The following TNFRSF8 variants were observed in gnomAD, a reference collection of about 807,000 sequenced individuals.
TNFRSF8 encodes the protein tumor necrosis factor receptor superfamily member 8.
TNFRSF8 carries 26 observed loss-of-function variants against 70.8 expected under a neutral mutation model. The observed-to-expected ratio is 0.37, with a 90% CI of 0.27 to 0.51. TNFRSF8 has a LOEUF of 0.51. Ranked by LOEUF, TNFRSF8 falls within the 20% of genes least tolerant of loss-of-function variation. The pLI, the probability that TNFRSF8 is intolerant of heterozygous loss-of-function variation, is 0.94. For missense variants in TNFRSF8, 720 were observed against 807.9 expected, an observed-to-expected ratio of 0.89 and a Z score of 1.32; for synonymous variants, 356 against 339.2, an observed-to-expected ratio of 1.05 and a Z score of -0.54.
intron 2 of TNFRSF8, among the ~76,000 whole-genome samples, chr1:12,095,276 CAT>C (rs1481096012): frequency 2.6e-5 from 4 of 151,726 alleles, no homozygotes; most frequent in Admixed American, 1.3e-4. Context: ...CAAAGAATCA[CAT>C]GTTACTGTAT....
chr1:12,067,275 C>A (rs1458626979), intron 1 of TNFRSF8, among the ~76,000 whole-genome samples: 1 of 152,188 alleles, frequency 6.6e-6, no homozygotes, highest in Non-Finnish European at 1.5e-5. Context: ...ATGTTCCTTG[C>A]CAGTGCTAAG....
At position 12,113,999 on chromosome 1, in the gene TNFRSF8, C is replaced by T. The variant is rs1275859156; in HGVS notation, c.794-1578C>T. On this transcript the variant is annotated intron_variant, in intron 7 of 14. Coordinates refer to ENST00000263932, the MANE Select transcript of TNFRSF8 (RefSeq NM_001243.5). The surrounding 1 kb of genome is among the most constrained non-coding windows in gnomAD (Gnocchi z 4.9). ...TTGGGGAAATACAGTCTGCCACAAC[C>T]ACCATGTGGACATATGGAGAAAGAG... is the stretch of plus-strand genomic sequence containing the variant. Among the ~76,000 whole-genome samples, 1 of 152,192 alleles carries T rather than the reference C, an allele frequency of 6.6e-6. No homozygotes were observed. The highest frequency in any genetic ancestry group is 2.4e-5 in the African/African-American group (1 of 41,450).
chr1:12,073,929 G>A (rs113318205), intron 1 of TNFRSF8, among the ~76,000 whole-genome samples: 2,077 of 151,846 alleles, frequency 0.014, 44 homozygotes, highest in African/African-American at 0.047. Flanking sequence ...CCATTGTCCC[G>A]TGGCGGCTGT....
At position 12,109,576 on chromosome 1, in the gene TNFRSF8, G is replaced by A; in HGVS notation, c.432G>A (p.Gln144=). Residue 144 remains glutamine, a synonymous_variant, in exon 5 of 15, where the codon CAG becomes CAA. Coordinates refer to ENST00000263932, the MANE Select transcript of TNFRSF8 (RefSeq NM_001243.5). This position sits in a 1 kb window ranked among gnomAD's most constrained non-coding sequence, Gnocchi z 4.4. ...GMIVKFPGTA[Q]KNTVCEPASP... ...CTGTCCCCCCTGCAGGCACGGCGCA[G>A]AAGAACACGGTCTGTGAGCCGGCTT... 6.2e-7 allele frequency: 1 copy of A among 1,613,694 alleles called. No homozygotes were observed. The highest frequency in any genetic ancestry group is 8.5e-7 in the Non-Finnish European group (1 of 1,179,914).
intron 12 of TNFRSF8, among the ~76,000 whole-genome samples, chr1:12,135,193 A>G (rs1027048499): frequency 2.0e-5 from 3 of 151,858 alleles, no homozygotes; most frequent in African/African-American, 7.3e-5. Flanking sequence ...GCACGAGCCT[A>G]TAATCCCAGC....
rs1640686551 is a variant in TNFRSF8 at position 12,063,632 on chromosome 1, T to C, written c.34T>C (p.Phe12Leu). Residue 12 changes from phenylalanine to leucine, a missense_variant, in exon 1 of 15, where the codon TTC (phenylalanine) becomes CTC (leucine). Transcript: ENST00000263932. This position sits in a 1 kb window ranked among gnomAD's most constrained non-coding sequence, Gnocchi z 7.2. Reference sequence around the variant, plus strand: ...CCTCCTCGCCGCGCTGGGACTGCTGTTCCTGGGGGCGCTACGAGCCTTCCC... The same window carrying C: ...CCTCCTCGCCGCGCTGGGACTGCTGCTCCTGGGGGCGCTACGAGCCTTCCC... ...RVLLAALGLLFLGALRAFPQD... is the reference protein window; with the variant it reads ...RVLLAALGLLLLGALRAFPQD... 1 of 1,290,182 alleles carries C rather than the reference T, an allele frequency of 7.8e-7. No individual in the cohort carries two copies. The highest frequency in any genetic ancestry group is 4.2e-5 in the Admixed American group (1 of 23,870). 79.9% of individuals were successfully genotyped at this position (1,290,182 alleles called of 1,614,324 possible). A position where few individuals can be genotyped will look rare whatever the true frequency, so the allele number is the denominator to read the frequency against.
In TNFRSF8 at chr1:12,142,462, C is replaced by T. The variant is rs776112690; in HGVS notation, c.1719C>T (p.Ser573=). The change falls in exon 15 of 15, where the codon AGC becomes AGT. Residue 573 remains serine, a synonymous_variant. Transcript: ENST00000263932. This position sits in a 1 kb window ranked among gnomAD's most constrained non-coding sequence, Gnocchi z 5.0. ...CAGAACCGCCTCTGGGCAGCTGCAG[C>T]GATGTCATGCTCTCAGTGGAAGAGG... ...QETEPPLGSC[S]DVMLSVEEEG... The T allele has an allele frequency of 1.6e-5, 25 of 1,610,744 alleles. No individual in the cohort carries two copies. The highest frequency in any genetic ancestry group is 1.9e-5 in the Non-Finnish European group (22 of 1,178,754).
intron 1 of TNFRSF8, among the ~76,000 whole-genome samples, chr1:12,070,505 T>G (rs1313767060): frequency 6.6e-6 from 1 of 152,116 alleles, no homozygotes; most frequent in Non-Finnish European, 1.5e-5. Context: ...TGCCCGCCTA[T>G]GTAGAGACAG....
At chr1:12,118,707 C>G (rs534531160) in intron 8 of TNFRSF8, among the ~76,000 whole-genome samples, 44 of 152,330 alleles carry the variant, frequency 2.9e-4, no homozygotes, top group East Asian at 9.7e-4. Flanking sequence ...TCTCTAGGTT[C>G]TCCATTCACC....
At position 12,110,519 on chromosome 1, in the gene TNFRSF8, G is replaced by A. The variant is rs11121866; in HGVS notation, c.676+315G>A. Among the ~76,000 whole-genome samples the A allele has an allele frequency of 2.1e-3, 317 of 152,290 alleles. 3 individuals are homozygous for A. Among genetic ancestry groups the A allele is most frequent in the Admixed American group, 6.0e-3 (92 of 15,300 alleles). ...CCCACTCTGCTGTTGTGACACTTGC[G>A]ACTCAGCTGGCCAGCCTCTGCACGT... On this transcript the variant is annotated intron_variant, in intron 6 of 14. Transcript: ENST00000263932. The surrounding 1 kb of genome is among the most constrained non-coding windows in gnomAD (Gnocchi z 4.0).
At chr1:12,096,424 T>TAAA (rs34433681) in intron 2 of TNFRSF8, among the ~76,000 whole-genome samples, 3 of 135,088 alleles carry the variant, frequency 2.2e-5, no homozygotes, top group African/African-American at 5.4e-5. Flanking sequence ...GCTGATGAGC[T>TAAA]AAAAAAAAAA....
chr1:12,065,170 C>A (rs965343091), intron 1 of TNFRSF8, among the ~76,000 whole-genome samples: 12 of 148,214 alleles, frequency 8.1e-5, no homozygotes, highest in Admixed American at 7.5e-4. Context: ...GCAACCTCTG[C>A]CTCCCGGATT....
At chr1:12,076,697 T>TGCCTGTGGCCAGGGATGGA (rs971180684) in intron 1 of TNFRSF8, among the ~76,000 whole-genome samples, 2 of 152,144 alleles carry the variant, frequency 1.3e-5, no homozygotes, top group Admixed American at 6.5e-5. Flanking sequence ...TGAGAGGTGC[T>TGCCTGTGGCCAGGGATGGA]GCCTGTGGCC....
chr1:12,123,833 G>C lies in TNFRSF8; in HGVS notation c.1153+6G>C. On this transcript the variant is annotated splice_donor_region_variant and intron_variant, in intron 10 of 14. Transcript: ENST00000263932. ...GAAGCCCGTTCTGGATGCAGGTAAT[G>C]GTCCCAGCCCACTCACCCCTACTCC... The C allele has an allele frequency of 6.4e-7, 1 of 1,556,270 alleles. No homozygotes were observed. The highest frequency in any genetic ancestry group is 8.7e-7 in the Non-Finnish European group (1 of 1,149,272).
chr1:12,080,321 T>C, intron 1 of TNFRSF8: 1 of 524,172 alleles, frequency 1.9e-6, no homozygotes, highest in Non-Finnish European at 3.8e-6. Flanking sequence ...TGCCTTCTTC[T>C]CTCCATCCGG....
At position 12,120,456 on chromosome 1, in the gene TNFRSF8, A is replaced by C. The variant is rs188193415; in HGVS notation, c.947-2828A>C. Among the ~76,000 whole-genome samples, 10 of 152,342 alleles carry C rather than the reference A, an allele frequency of 6.6e-5. 1 individual carries two copies. Among genetic ancestry groups the C allele is most frequent in the African/African-American group, 2.2e-4 (9 of 41,580 alleles). ...CTGTCCTTTTATCAACAAGAAAAAG[A>C]AAGGCAATTGAAAACTCCCGGGAAA... On this transcript the variant is annotated intron_variant, in intron 8 of 14. Coordinates refer to ENST00000263932, the MANE Select transcript of TNFRSF8 (RefSeq NM_001243.5).
At chr1:12,094,103 A>G (rs1039162422) in intron 2 of TNFRSF8, among the ~76,000 whole-genome samples, 1 of 150,276 alleles carries the variant, frequency 6.7e-6, no homozygotes, top group Admixed American at 6.6e-5. Context: ...TCAGCCTCCC[A>G]AAGTGCTGGG....
At chr1:12,103,928 T>G (rs1443232227) in intron 3 of TNFRSF8, among the ~76,000 whole-genome samples, 2 of 152,220 alleles carry the variant, frequency 1.3e-5, no homozygotes, top group African/African-American at 4.8e-5. Flanking sequence ...ATTCTAGGGC[T>G]TTAGACAAAC....
intron 1 of TNFRSF8, chr1:12,080,253 T>C: frequency 1.9e-6 from 1 of 518,556 alleles, no homozygotes; most frequent in Non-Finnish European, 3.8e-6. Flanking sequence ...CCAGCCAAGA[T>C]GATCCCAGTT....
Sources: gnomAD v4.1 joint callset for allele counts (sites outside exome capture counted in the v4.1 genomes callset) on GRCh38, gnomAD v4.1.1 for gene constraint, Gnocchi (gnomAD v3.1) non-coding constraint, MANE v1.5 for transcripts, NCBI Gene and HGNC (gene_info 2026-07-23, HGNC 2026-07-21) for gene names.